The following ESRRG variants were observed in gnomAD, a reference collection of about 807,000 sequenced individuals.
The protein encoded by ESRRG is estrogen related receptor gamma, also known as estrogen-related receptor gamma.
A neutral mutation model predicts 44.0 loss-of-function variants in ESRRG; 13 were observed. That is an observed-to-expected ratio of 0.30 (90% CI 0.19 to 0.47). The LOEUF (loss-of-function observed/expected upper bound fraction) is 0.47. Among genes scored for constraint, ESRRG ranks in the 20% least tolerant of loss-of-function variants. ESRRG has a pLI of 1.00. For synonymous variants in ESRRG, 215 were observed against 214.6 expected, an observed-to-expected ratio of 1.00 and a Z score of -0.02; for missense variants, 395 against 580.6, an observed-to-expected ratio of 0.68 and a Z score of 3.29.
At chr1:216,772,461 C>T (rs1017629303) in intron 2 of ESRRG, among the ~76,000 whole-genome samples, 5 of 152,118 alleles carry the variant, frequency 3.3e-5, no homozygotes, top group African/African-American at 1.2e-4. Context: ...TATCACTCTA[C>T]CTTTAACCAA....
chr1:216,797,840 C>T (rs949606322), intron 2 of ESRRG, among the ~76,000 whole-genome samples: 1 of 152,108 alleles, frequency 6.6e-6, no homozygotes, highest in Non-Finnish European at 1.5e-5. Context: ...CTCTTTTCCA[C>T]CCCTTATTTT....
chr1:216,913,947 G>A (rs528274060), intron 2 of ESRRG, among the ~76,000 whole-genome samples: 22 of 152,224 alleles, frequency 1.4e-4, no homozygotes, highest in Non-Finnish European at 2.6e-4. Flanking sequence ...AAAAATCAAT[G>A]CGTTTTATTT....
At chr1:216,910,728 G>C (rs778097252) in intron 2 of ESRRG, among the ~76,000 whole-genome samples, 1 of 152,174 alleles carries the variant, frequency 6.6e-6, no homozygotes, top group Non-Finnish European at 1.5e-5. Flanking sequence ...TGACTATATG[G>C]AGACTCTATT....
At position 216,505,206 on chromosome 1, in the gene ESRRG, T is replaced by C. The variant is rs2040988710; in HGVS notation, c.*1733A>G. On this transcript the variant is annotated 3_prime_UTR_variant, in exon 7 of 7. Coordinates refer to ENST00000408911, the MANE Select transcript of ESRRG (RefSeq NM_001438.4). ...CATTGGTATAGCATTTGATGGAGGT[T>C]ACTGTTTATTGGTTATTCAGCGACT... The C allele has an allele frequency of 6.6e-6, 1 of 152,634 alleles. No homozygotes were observed. Among genetic ancestry groups the C allele is most frequent in the African/African-American group, 2.4e-5 (1 of 41,454 alleles). The allele number at this position is 152,634 out of a possible 1,614,324, so 9.5% of individuals were successfully genotyped here.
chr1:216,845,282 G>T (rs1407069973), intron 2 of ESRRG, among the ~76,000 whole-genome samples: 1 of 152,234 alleles, frequency 6.6e-6, no homozygotes, highest in Admixed American at 6.5e-5. Context: ...ATAAATATTT[G>T]TTAAATGTGT....
intron 5 of ESRRG, among the ~76,000 whole-genome samples, chr1:216,545,337 A>G (rs2054175843): frequency 6.6e-6 from 1 of 151,608 alleles, no homozygotes; most frequent in Non-Finnish European, 1.5e-5. Flanking sequence ...TGCTAGGATT[A>G]CAGGCCTTAG....
chr1:216,729,732 T>C (rs974396120), intron 2 of ESRRG, among the ~76,000 whole-genome samples: 2 of 152,174 alleles, frequency 1.3e-5, no homozygotes, highest in African/African-American at 4.8e-5. Context: ...TTGCTTGTAC[T>C]CCATTTCTCT....
chr1:216,565,983 T>C (rs74844673), intron 4 of ESRRG, among the ~76,000 whole-genome samples: 2 of 41,924 alleles, frequency 4.8e-5, no homozygotes, highest in Admixed American at 1.6e-4. Context: ...TGATTCTAGT[T>C]GTTTTTTTTT....
chr1:216,707,423 G>A lies in ESRRG; in HGVS notation c.56+15821C>T, dbSNP rs745766169. On this transcript the variant is annotated intron_variant, in intron 1 of 6. Coordinates refer to ENST00000408911, the MANE Select transcript of ESRRG (RefSeq NM_001438.4). ...GCTCCAAGACCCCAATCACATTCTC[G>A]CCACATTCAGGATCTAAATGCACAA... 21 of 1,535,524 alleles carry A rather than the reference G, an allele frequency of 1.4e-5. No individual in the cohort carries two copies. In the Admixed American group the frequency reaches 1.8e-4, roughly 13 times the overall value.
chr1:216,703,119 A>G (rs1007571953), intron 1 of ESRRG, among the ~76,000 whole-genome samples: 1 of 152,180 alleles, frequency 6.6e-6, no homozygotes, highest in African/African-American at 2.4e-5. Context: ...AAGGAGTCTC[A>G]AGATATCTAT....
chr1:217,063,892 G>T (rs890319445), intron 1 of ESRRG, among the ~76,000 whole-genome samples: 1 of 152,098 alleles, frequency 6.6e-6, no homozygotes, highest in African/African-American at 2.4e-5. Context: ...GAAAGGTAAG[G>T]ACTGAAGCAA....
intron 2 of ESRRG, among the ~76,000 whole-genome samples, chr1:216,931,996 G>C (rs1266970040): frequency 6.6e-6 from 1 of 152,154 alleles, no homozygotes; most frequent in Admixed American, 6.6e-5. Flanking sequence ...ATGAGGTCAG[G>C]AGTTCAAGAC....
At chr1:216,883,528 G>C (rs1432144001) in intron 2 of ESRRG, among the ~76,000 whole-genome samples, 2 of 151,760 alleles carry the variant, frequency 1.3e-5, no homozygotes, top group Admixed American at 6.6e-5. Context: ...CTATTGCTTC[G>C]ATGGGGCCAT....
intron 1 of ESRRG, among the ~76,000 whole-genome samples, chr1:216,969,769 G>C (rs1170921090): frequency 6.6e-6 from 1 of 152,032 alleles, no homozygotes; most frequent in African/African-American, 2.4e-5. Context: ...ATTTTTAGTA[G>C]AGACAGGGTT....
intron 5 of ESRRG, among the ~76,000 whole-genome samples, chr1:216,524,153 G>A (rs1033811622): frequency 4.7e-5 from 7 of 147,856 alleles, no homozygotes; most frequent in Non-Finnish European, 7.4e-5. Context: ...CACATATGGG[G>A]CAGACATATC....
At chr1:216,732,382 T>TA (rs1491122709) in intron 2 of ESRRG, among the ~76,000 whole-genome samples, 1 of 326 alleles carries the variant, frequency 3.1e-3, no homozygotes, top group Non-Finnish European at 0.019. Flanking sequence ...GATTTATTGA[T>TA]TTTTTTTTTT....
chr1:217,137,599 A>T (rs1164823964), intron 1 of ESRRG: 6 of 152,222 alleles, frequency 3.9e-5, no homozygotes, highest in African/African-American at 9.7e-5. Context: ...GTTCTCAAAG[A>T]CGGGGTTGGA....
chr1:216,828,937 C>T lies in ESRRG; in HGVS notation c.-14+110645G>A, dbSNP rs569876859. Among the ~76,000 whole-genome samples, 5 of 152,172 alleles carry T rather than the reference C, an allele frequency of 3.3e-5. No homozygotes were observed. The South Asian group carries it at 1.0e-3, about 32-fold the overall frequency. ...GTCAACCCACTCATGTCTCAATGCC[C>T]CATGGTTAGGGATATCTTATTATGT... is the stretch of plus-strand genomic sequence containing the variant. On this transcript the variant is annotated intron_variant, in intron 2 of 7. Transcript: ENST00000359162.
intron 3 of ESRRG, among the ~76,000 whole-genome samples, chr1:216,573,543 T>G (rs1000881723): frequency 6.6e-6 from 1 of 151,958 alleles, no homozygotes; most frequent in Non-Finnish European, 1.5e-5. Flanking sequence ...AGTGTTACAA[T>G]CTATCCCATA....
Sources: gnomAD v4.1 joint callset for allele counts (sites outside exome capture counted in the v4.1 genomes callset) on GRCh38, gnomAD v4.1.1 for gene constraint, MANE v1.5 for transcripts, NCBI Gene and HGNC (gene_info 2026-07-23, HGNC 2026-07-21) for gene names.